The following SSR1 variants were observed in gnomAD, a reference collection of about 807,000 sequenced individuals.
SSR1 encodes translocon-associated protein subunit alpha.
Under a neutral mutation model 36.1 loss-of-function variants are expected in SSR1, and 13 were observed. The observed-to-expected ratio is 0.36, with a 90% CI of 0.23 to 0.57. The LOEUF is 0.57. Ranked by LOEUF, SSR1 falls within the 20% of genes least tolerant of loss-of-function variation. The pLI is 0.81. For synonymous variants in SSR1, 113 were observed against 118.9 expected (o/e 0.95, Z 0.32); for missense variants, 291 against 338.5 (o/e 0.86, Z 1.10).
intron 5 of SSR1, 76 bp downstream of exon 5, chr6:7,298,671 A>G: frequency 9.1e-7 from 1 of 1,098,212 alleles, no homozygotes. Flanking sequence ...ATCTAAAACA[A>G]TGCTGAAACA....
intron 2 of SSR1, among the ~76,000 whole-genome samples, chr6:7,306,300 AC>A (rs1482544926): frequency 6.6e-6 from 1 of 151,572 alleles, no homozygotes; most frequent in Non-Finnish European, 1.5e-5. Context: ...CCACCACCAC[AC>A]CCGGCAGATT....
chr6:7,313,136 G>C lies in SSR1; in HGVS notation c.-16C>G, dbSNP rs373867719. ...GGAGTCTCATGGCGCTGCCGGTCCA[G>C]TGTCCAGTTTCCGTCGGCTAAGGCT... is the stretch of plus-strand genomic sequence containing the variant. On this transcript the variant is annotated 5_prime_UTR_variant, in exon 1 of 8. Coordinates refer to ENST00000244763, the MANE Select transcript of SSR1 (RefSeq NM_003144.5). 2.5e-5 allele frequency: 40 copies of C among 1,598,090 alleles called. No individual in the cohort carries two copies. In the Middle Eastern group the frequency reaches 9.9e-4, roughly 40 times the overall value.
rs566283366 is a variant in SSR1 at position 7,288,916 on chromosome 6, T to C, written c.*948A>G. ...TTTAAAAATATCCAACTCACTTTCTTCATTGATTAGGAGTAACTGGGAAAT... is the reference window on the plus strand; with the variant it reads ...TTTAAAAATATCCAACTCACTTTCTCCATTGATTAGGAGTAACTGGGAAAT... On this transcript the variant is annotated 3_prime_UTR_variant, in exon 8 of 8. Coordinates refer to ENST00000244763, the MANE Select transcript of SSR1 (RefSeq NM_003144.5). 4 of 152,314 alleles carry C rather than the reference T, an allele frequency of 2.6e-5. No homozygotes were observed. Among genetic ancestry groups the C allele is most frequent in the African/African-American group, 2.4e-5 (1 of 41,566 alleles). The allele number at this position is 152,314 out of a possible 1,614,324, so 9.4% of individuals were successfully genotyped here.
rs560731763 is a variant in SSR1, at chr6:7,302,258, G to C, written c.281-686C>G. On this transcript the variant is annotated intron_variant, in intron 3 of 7. Coordinates refer to ENST00000244763, the MANE Select transcript of SSR1 (RefSeq NM_003144.5). ...GTAGTCTACAAAGCTGAGTTTCACT[G>C]AGTACAGCACAGGCTATGGGGCCAA... Among the ~76,000 whole-genome samples, 34 of 152,332 alleles carry C rather than the reference G, an allele frequency of 2.2e-4. No individual in the cohort carries two copies. In the South Asian group the frequency reaches 5.8e-3, roughly 26 times the overall value.
chr6:7,300,155 C>A (rs1757902246), intron 4 of SSR1, among the ~76,000 whole-genome samples: 1 of 152,248 alleles, frequency 6.6e-6, no homozygotes, highest in South Asian at 2.1e-4. Context: ...GATGAAAATA[C>A]TTCCTTTTCT....
chr6:7,306,752 TA>T (rs891348406), intron 2 of SSR1, among the ~76,000 whole-genome samples: 1 of 151,510 alleles, frequency 6.6e-6, no homozygotes, highest in African/African-American at 2.4e-5. Flanking sequence ...CCGTCTCTAC[TA>T]AAAATACAAA....
chr6:7,298,993 T>C (rs564489348), intron 4 of SSR1, 170 bp from the exon 5 acceptor site: 13 of 593,940 alleles, frequency 2.2e-5, no homozygotes, highest in African/African-American at 1.3e-4. Context: ...GGACTCAACA[T>C]TGTTATTTTC....
chr6:7,301,065 G>C (rs1304326716), intron 4 of SSR1, among the ~76,000 whole-genome samples: 1 of 151,978 alleles, frequency 6.6e-6, no homozygotes, highest in African/African-American at 2.4e-5. Context: ...CCACACAATA[G>C]CACCTTATTC....
chr6:7,303,757 AG>A, intron 2 of SSR1, 120 bp from the exon 3 acceptor site: 3 of 661,624 alleles, frequency 4.5e-6, no homozygotes, highest in Non-Finnish European at 7.5e-6. Context: ...TGGCCGAGGC[AG>A]GCAGATCACC....
At chr6:7,308,743 T>TG (rs1437241615) in intron 2 of SSR1, among the ~76,000 whole-genome samples, 2 of 122,676 alleles carry the variant, frequency 1.6e-5, no homozygotes, top group Non-Finnish European at 3.6e-5. Context: ...CACATATAAC[T>TG]GCCCCAAAAA....
chr6:7,306,871 CA>C lies in SSR1; in HGVS notation c.192+3045del, dbSNP rs372586457. Among the ~76,000 whole-genome samples, 966 of 146,228 alleles carry C rather than the reference CA, an allele frequency of 6.6e-3. 13 individuals are homozygous for C. The highest frequency in any genetic ancestry group is 0.028 in the Admixed American group (410 of 14,662). ...GTGGAGCTTGCAGTGAGCGGAGATC[CA>C]CGCCACTGCACTCCAGCCTGGGCGA... On this transcript the variant is annotated intron_variant, in intron 2 of 7. Transcript: ENST00000244763.
chr6:7,301,352 T>A lies in SSR1; in HGVS notation c.501A>T (p.Arg167=). Residue 167 remains arginine (R), a synonymous_variant, in exon 4 of 8, where the codon CGA becomes CGT. Coordinates refer to ENST00000244763, the MANE Select transcript of SSR1 (RefSeq NM_003144.5). ...TCAGATTGATGACCAAACCAAATGG[T>A]CGTCCGCCCATGGGCTCTGCAGGAA... ...SFIPAEPMGG[R]PFGLVINLNY... is the part of the protein sequence containing the mutation. 6.2e-7 allele frequency: 1 copy of A among 1,614,168 alleles called. No homozygotes were observed. The highest frequency in any genetic ancestry group is 2.2e-5 in the East Asian group (1 of 44,874).
At chr6:7,311,536 G>A (rs1432360937) in intron 1 of SSR1, among the ~76,000 whole-genome samples, 2 of 152,174 alleles carry the variant, frequency 1.3e-5, no homozygotes, top group East Asian at 3.8e-4. Flanking sequence ...ACTGCCTGCT[G>A]AACAAAGCCT....
intron 7 of SSR1, among the ~76,000 whole-genome samples, chr6:7,293,146 T>G (rs1213166941): frequency 3.3e-5 from 5 of 151,782 alleles, no homozygotes; most frequent in Non-Finnish European, 7.4e-5. Context: ...GTACTTAGGT[T>G]TGGTATCCTG....
rs72818943 is a variant in SSR1, at chr6:7,285,918, A to T, written c.*3946T>A. On this transcript the variant is annotated 3_prime_UTR_variant, in exon 8 of 8. Transcript: ENST00000244763. This position sits in a 1 kb window ranked among gnomAD's most constrained non-coding sequence, Gnocchi z 4.1. The stretch of plus-strand genomic sequence containing the variant: ...AAAGGTATGTCATTAACAGAAATTT[A>T]AAAGGGTATTGTGGGTAACTGAATT... 4.1e-3 allele frequency: 630 copies of T among 152,326 alleles called. 6 individuals carry two copies. Among genetic ancestry groups the T allele is most frequent in the African/African-American group, 0.014 (593 of 41,578 alleles). The allele number at this position is 152,326 out of a possible 1,614,324, so 9.4% of individuals were successfully genotyped here. A position where few individuals can be genotyped will look rare whatever the true frequency, so the allele number is the denominator to read the frequency against.
At chr6:7,294,531 T>C (rs1757750031) in intron 7 of SSR1, among the ~76,000 whole-genome samples, 1 of 151,702 alleles carries the variant, frequency 6.6e-6, no homozygotes, top group African/African-American at 2.4e-5. Context: ...CTACTAAAAA[T>C]ACAAAAAAAA....
At position 7,282,903 on chromosome 6, in the gene SSR1, TAATAA is replaced by T; in HGVS notation, c.*6956_*6960del. On this transcript the variant is annotated 3_prime_UTR_variant, in exon 8 of 8. Transcript: ENST00000244763. ...GCAAGGCCTTAAAATGCATTCACTC[TAATAA>T]ACTGCTCTGTAGAATTCAAGGGAAT... is the stretch of plus-strand genomic sequence containing the variant. The T allele has an allele frequency of 6.6e-6, 1 of 152,366 alleles. No individual in the cohort carries two copies. Among genetic ancestry groups the T allele is most frequent in the East Asian group, 1.9e-4 (1 of 5,196 alleles). The allele number at this position is 152,366 out of a possible 1,614,324, so 9.4% of individuals were successfully genotyped here.
rs1263775961 is a variant in SSR1, at chr6:7,309,953, A to G, written c.156T>C (p.Asp52=). The G allele has an allele frequency of 1.9e-6, 3 of 1,614,022 alleles. No homozygotes were observed. The highest frequency in any genetic ancestry group is 2.5e-6 in the Non-Finnish European group (3 of 1,179,978). ...GTTCATCTTCTTCTACCTCGGCTTCATCATCTTCATCCTCAATTATGGAAT... is the reference window on the plus strand; with the variant it reads ...GTTCATCTTCTTCTACCTCGGCTTCGTCATCTTCATCCTCAATTATGGAAT... ...VEDSIIEDED[D]EAEVEEDEPT... The change falls in exon 2 of 8, where the codon GAT becomes GAC. Residue 52 remains aspartate (D), a synonymous_variant. Transcript: ENST00000244763.
intron 7 of SSR1, among the ~76,000 whole-genome samples, chr6:7,292,724 T>C (rs915594579): frequency 4.6e-5 from 6 of 129,862 alleles, no homozygotes; most frequent in Non-Finnish European, 8.8e-5. Context: ...TTCCTCTCCT[T>C]TAAAGTGGCT....
Sources: gnomAD v4.1 joint callset for allele counts (sites outside exome capture counted in the v4.1 genomes callset) on GRCh38, gnomAD v4.1.1 for gene constraint, Gnocchi (gnomAD v3.1) non-coding constraint, MANE v1.5 for transcripts, NCBI Gene and HGNC (gene_info 2026-07-23, HGNC 2026-07-21) for gene names.